Variants in CRYBG1 observed in about 807,000 individuals in gnomAD.
CRYBG1 encodes the protein beta/gamma crystallin domain-containing protein 1.
CRYBG1 carries 139 observed loss-of-function variants against 189.2 expected under a neutral mutation model. The observed-to-expected ratio is 0.73, with a 90% confidence interval of 0.64 to 0.85. The LOEUF (loss-of-function observed/expected upper bound fraction) is 0.85. Among genes scored for constraint, CRYBG1 ranks in the 40% least tolerant of loss-of-function variants. The pLI is 0.00. For synonymous variants in CRYBG1, 1,023 were observed against 1,017.1 expected (o/e 1.01, Z -0.11); for missense variants, 2,611 against 2,675.8 (o/e 0.98, Z 0.53).
chr6:106,568,637 G>C lies in CRYBG1; in HGVS notation c.*71G>C. The C allele has an allele frequency of 8.8e-7, 1 of 1,139,700 alleles. No individual in the cohort carries two copies. Among genetic ancestry groups the C allele is most frequent in the Non-Finnish European group, 1.3e-6 (1 of 764,362 alleles). The allele number at this position is 1,139,700 out of a possible 1,614,324, so 70.6% of individuals were successfully genotyped here. A position where few individuals can be genotyped will look rare whatever the true frequency, so the allele number is the denominator to read the frequency against. ...ATTTCTTAAAAAGGACAATGCTGAT[G>C]GAAGACCAGACTGGAAAGTGGATCG... On this transcript the variant is annotated 3_prime_UTR_variant, in exon 22 of 22. Transcript: ENST00000633556.
chr6:106,560,687 T>C (rs1191988273), intron 18 of CRYBG1, 116 bp from the exon 19 acceptor site: 2 of 1,193,644 alleles, frequency 1.7e-6, no homozygotes, highest in African/African-American at 3.2e-5. Flanking sequence ...TTTCCCCCAA[T>C]GTATGTTAAA....
chr6:106,495,819 T>TTAA (rs1554186459), intron 2 of CRYBG1, among the ~76,000 whole-genome samples: 3 of 128,470 alleles, frequency 2.3e-5, no homozygotes, highest in Non-Finnish European at 4.8e-5. Context: ...TTTCCTTGAG[T>TTAA]AAAAAAAAAA....
intron 2 of CRYBG1, among the ~76,000 whole-genome samples, chr6:106,472,278 G>A (rs1328822312): frequency 6.6e-6 from 1 of 152,092 alleles, no homozygotes; most frequent in African/African-American, 2.4e-5. Flanking sequence ...GTTTTTCATG[G>A]AAATATAAAT....
chr6:106,543,863 C>T (rs1336046947), intron 11 of CRYBG1, among the ~76,000 whole-genome samples: 1 of 152,190 alleles, frequency 6.6e-6, no homozygotes, highest in African/African-American at 2.4e-5. Flanking sequence ...ACCAGCCTGA[C>T]CAACATGGGG....
In CRYBG1 at chr6:106,571,261, T is replaced by G. The variant is rs1483039213; in HGVS notation, c.*2695T>G. On this transcript the variant is annotated 3_prime_UTR_variant, in exon 22 of 22. Transcript: ENST00000633556. ...AAGAGATTTAGAACTTTAAGAGCTGTGGTGACCACATTATGGTGGAGGAAC... is the reference window on the plus strand; with the variant it reads ...AAGAGATTTAGAACTTTAAGAGCTGGGGTGACCACATTATGGTGGAGGAAC... 1 of 152,240 alleles carries G rather than the reference T, an allele frequency of 6.6e-6. No homozygotes were observed. Among genetic ancestry groups the G allele is most frequent in the Non-Finnish European group, 1.5e-5 (1 of 68,040 alleles). 9.4% of individuals were successfully genotyped at this position (152,240 alleles called of 1,614,324 possible).
chr6:106,369,931 G>A (rs4946744), intron 1 of CRYBG1, among the ~76,000 whole-genome samples: 99,714 of 152,042 alleles, frequency 0.66, 32,775 homozygotes, highest in East Asian at 0.72. Flanking sequence ...GGATTCCCCA[G>A]CCGGTGATCT....
chr6:106,415,044 G>A (rs1297944136), intron 1 of CRYBG1, among the ~76,000 whole-genome samples: 1 of 152,032 alleles, frequency 6.6e-6, no homozygotes, highest in South Asian at 2.1e-4. Flanking sequence ...ATCTGACAAA[G>A]TGAGAGATGG....
At chr6:106,554,993 C>T (rs1057268298) in intron 16 of CRYBG1, among the ~76,000 whole-genome samples, 1 of 151,964 alleles carries the variant, frequency 6.6e-6, no homozygotes, top group South Asian at 2.1e-4. Flanking sequence ...GGTGAAACCC[C>T]GTCTCTACTA....
chr6:106,426,986 T>C (rs1482349719), intron 1 of CRYBG1, among the ~76,000 whole-genome samples: 1 of 152,188 alleles, frequency 6.6e-6, no homozygotes, highest in African/African-American at 2.4e-5. Flanking sequence ...CTTTTTTTTC[T>C]CTGGTGTCCT....
intron 1 of CRYBG1, among the ~76,000 whole-genome samples, chr6:106,393,488 G>A (rs1038707560): frequency 1.3e-5 from 2 of 152,182 alleles, no homozygotes; most frequent in African/African-American, 4.8e-5. Context: ...ACTGCAGGGG[G>A]CACTTCCAGG....
At chr6:106,422,848 C>T (rs549384880) in intron 1 of CRYBG1, among the ~76,000 whole-genome samples, 6 of 152,110 alleles carry the variant, frequency 3.9e-5, no homozygotes, top group Middle Eastern at 3.2e-3. Flanking sequence ...CAACAAGGCA[C>T]CATGGGAGCA....
At chr6:106,424,112 A>C (rs1008644990) in intron 1 of CRYBG1, among the ~76,000 whole-genome samples, 1 of 152,164 alleles carries the variant, frequency 6.6e-6, no homozygotes, top group African/African-American at 2.4e-5. Flanking sequence ...AAGTGTCTCC[A>C]CTTTTTGAAG....
chr6:106,416,512 G>T (rs1562300730), intron 1 of CRYBG1, among the ~76,000 whole-genome samples: 2 of 152,174 alleles, frequency 1.3e-5, no homozygotes. Flanking sequence ...TTGCTAGGCT[G>T]GTTCTGCTGT....
chr6:106,510,592 C>T (rs1350941270), intron 2 of CRYBG1, among the ~76,000 whole-genome samples: 1 of 152,196 alleles, frequency 6.6e-6, no homozygotes, highest in Non-Finnish European at 1.5e-5. Flanking sequence ...ACACGTGTGG[C>T]GAGGAACGGG....
chr6:106,550,641 CT>C (rs1163890844), intron 13 of CRYBG1, among the ~76,000 whole-genome samples: 1 of 152,098 alleles, frequency 6.6e-6, no homozygotes, highest in Admixed American at 6.6e-5. Context: ...GTTGGAAACA[CT>C]GTTGGAAACA....
chr6:106,413,965 G>A (rs1456000998), intron 1 of CRYBG1, among the ~76,000 whole-genome samples: 1 of 152,218 alleles, frequency 6.6e-6, no homozygotes, highest in East Asian at 1.9e-4. Context: ...ATTAATTCCA[G>A]AGTTGCTGAT....
At chr6:106,426,046 C>T (rs1366953576) in intron 1 of CRYBG1, among the ~76,000 whole-genome samples, 2 of 152,164 alleles carry the variant, frequency 1.3e-5, no homozygotes, top group African/African-American at 2.4e-5. Flanking sequence ...CTTCATCTCT[C>T]CTCAAAACTG....
chr6:106,363,466 G>T (rs1290484686), intron 1 of CRYBG1, among the ~76,000 whole-genome samples: 1 of 152,094 alleles, frequency 6.6e-6, no homozygotes, highest in Non-Finnish European at 1.5e-5. Context: ...CTAAGAGAGT[G>T]TACTTCTTTC....
chr6:106,558,658 G>T, intron 18 of CRYBG1, 33 bp downstream of exon 18: 1 of 1,549,138 alleles, frequency 6.5e-7, no homozygotes, highest in Non-Finnish European at 8.7e-7. Flanking sequence ...CAATAAAATA[G>T]ATCATTTTAA....
Sources: gnomAD v4.1 joint callset for allele counts (sites outside exome capture counted in the v4.1 genomes callset) on GRCh38, gnomAD v4.1.1 for gene constraint, MANE v1.5 for transcripts, NCBI Gene and HGNC (gene_info 2026-07-23, HGNC 2026-07-21) for gene names.